DCC: variants seen among roughly 807,000 people sequenced by gnomAD.
DCC encodes netrin receptor DCC.
A neutral mutation model predicts 172.5 loss-of-function variants in DCC; 58 were observed. The observed-to-expected ratio is 0.34, with a 90% CI of 0.27 to 0.42. DCC has a LOEUF of 0.42. DCC is among the 10% of genes least tolerant of loss of function. The pLI is 1.00. For synonymous variants in DCC, 709 were observed against 644.5 expected (o/e 1.10, Z -1.52); for missense variants, 1,740 against 1,791.0 (o/e 0.97, Z 0.51).
At position 53,499,359 on chromosome 18, in the gene DCC, T is replaced by A. The variant is rs140262241; in HGVS notation, c.3960T>A (p.His1320Gln). The change falls in exon 27 of 29, where the codon CAT becomes CAA. Residue 1320 changes from histidine to glutamine, a missense_variant. Around this residue, in one of 2 missense-constraint regions of DCC, gnomAD observed 1,732 missense variants for 1,767.4 expected, o/e 0.98. Transcript: ENST00000442544. ...TGCTGCCCCCATCTCAGCCTGAGCATTCTAGCAGCGAGGAGGCACCAAGCA... is the reference window on the plus strand; with the variant it reads ...TGCTGCCCCCATCTCAGCCTGAGCAATCTAGCAGCGAGGAGGCACCAAGCA... Reference protein sequence around the residue: ...PPMLPPSQPEHSSSEEAPSRT... With the variant: ...PPMLPPSQPEQSSSEEAPSRT... 1.9e-6 allele frequency: 3 copies of A among 1,613,976 alleles called. No homozygotes were observed. The African/African-American group carries it at 4.0e-5, about 22-fold the overall frequency.
intron 2 of DCC, among the ~76,000 whole-genome samples, chr18:52,905,557 G>A (rs1271286108): frequency 1.3e-5 from 2 of 152,148 alleles, no homozygotes; most frequent in Non-Finnish European, 2.9e-5. Context: ...CTTTCTTGAA[G>A]CTGCTCTAGG....
At chr18:53,333,069 C>CAAA (rs11323974) in intron 14 of DCC, among the ~76,000 whole-genome samples, 5 of 120,584 alleles carry the variant, frequency 4.1e-5, no homozygotes, top group African/African-American at 9.8e-5. Flanking sequence ...GAACCTGTCT[C>CAAA]AAAAAAAAAA....
intron 1 of DCC, among the ~76,000 whole-genome samples, chr18:52,644,697 G>C (rs1160127808): frequency 6.6e-6 from 1 of 151,462 alleles, no homozygotes; most frequent in Non-Finnish European, 1.5e-5. Flanking sequence ...TGAGGCTGCA[G>C]TGAGCTATCA....
At chr18:52,543,827 T>A (rs192983376) in intron 1 of DCC, among the ~76,000 whole-genome samples, 1 of 152,294 alleles carries the variant, frequency 6.6e-6, no homozygotes, top group East Asian at 1.9e-4. Context: ...AGCATCCTGT[T>A]GAGGCACTTC....
intron 7 of DCC, among the ~76,000 whole-genome samples, chr18:53,071,077 G>A (rs2042645379): frequency 6.6e-6 from 1 of 152,134 alleles, no homozygotes; most frequent in African/African-American, 2.4e-5. Context: ...GGGGCTTGTG[G>A]CTGAGAGTTA....
At chr18:52,673,745 T>A (rs1458853054) in intron 1 of DCC, among the ~76,000 whole-genome samples, 3 of 152,208 alleles carry the variant, frequency 2.0e-5, no homozygotes, top group Non-Finnish European at 2.9e-5. Flanking sequence ...ATCGCTAATG[T>A]TCTTTCACTG....
chr18:52,780,752 G>A (rs775922162), intron 2 of DCC, among the ~76,000 whole-genome samples: 1 of 152,114 alleles, frequency 6.6e-6, no homozygotes, highest in South Asian at 2.1e-4. Context: ...CACCTGTCAC[G>A]TGAAGGTCTT....
chr18:53,481,747 T>C (rs570162809), intron 25 of DCC, among the ~76,000 whole-genome samples: 2 of 152,178 alleles, frequency 1.3e-5, no homozygotes, highest in African/African-American at 2.4e-5. Context: ...CTTAAAAAAA[T>C]CTTTACTTTT....
intron 1 of DCC, among the ~76,000 whole-genome samples, chr18:52,455,422 ATTC>A (rs911483826): frequency 6.6e-6 from 1 of 152,196 alleles, no homozygotes; most frequent in African/African-American, 2.4e-5. Context: ...ATGCTGAAGA[ATTC>A]TTCTTTCTTC....
At chr18:52,874,152 G>C (rs1226976119) in intron 2 of DCC, among the ~76,000 whole-genome samples, 1 of 152,088 alleles carries the variant, frequency 6.6e-6, no homozygotes, top group Non-Finnish European at 1.5e-5. Context: ...ACTTAAACTG[G>C]CTAAAATGTT....
intron 5 of DCC, among the ~76,000 whole-genome samples, chr18:53,020,800 G>C (rs2041869491): frequency 2.6e-5 from 4 of 152,266 alleles, no homozygotes; most frequent in Middle Eastern, 3.4e-3. Flanking sequence ...GAATTAGATA[G>C]AATTTAATAA....
intron 12 of DCC, among the ~76,000 whole-genome samples, chr18:53,264,005 A>C (rs2056636863): frequency 6.6e-6 from 1 of 152,160 alleles, no homozygotes. Context: ...GCATATTTTC[A>C]AAGAAGGGTT....
chr18:53,508,409 TCTCAAACTCCTGGG>T (rs1325267468), intron 27 of DCC, among the ~76,000 whole-genome samples: 1 of 150,548 alleles, frequency 6.6e-6, no homozygotes, highest in Non-Finnish European at 1.5e-5. Flanking sequence ...TCCAGGCTAG[TCTCAAACTCCTGGG>T]CTCAAGTGAT....
chr18:53,426,440 T>C (rs62098285), intron 21 of DCC, among the ~76,000 whole-genome samples: 1 of 143,940 alleles, frequency 6.9e-6, no homozygotes, highest in African/African-American at 2.5e-5. Flanking sequence ...TTTATATTAT[T>C]TATATATTTA....
intron 1 of DCC, among the ~76,000 whole-genome samples, chr18:52,423,321 G>T (rs1385053001): frequency 6.6e-6 from 1 of 152,142 alleles, no homozygotes; most frequent in Non-Finnish European, 1.5e-5. Flanking sequence ...CAAACTGGGG[G>T]ATCTGCAAAG....
At chr18:53,461,366 T>C (rs1038625802) in intron 24 of DCC, among the ~76,000 whole-genome samples, 3 of 151,880 alleles carry the variant, frequency 2.0e-5, no homozygotes, top group Non-Finnish European at 2.9e-5. Context: ...CATGCCTATG[T>C]CCTGAATGGT....
rs78186889 is a variant in DCC, at chr18:52,575,758, G to T, written c.92-176296G>T. 3.5e-3 allele frequency among the ~76,000 whole-genome samples: 537 copies of T among 152,206 alleles called. 8 individuals are homozygous for T. Among genetic ancestry groups the T allele is most frequent in the East Asian group, 0.033 (169 of 5,172 alleles). On this transcript the variant is annotated intron_variant, in intron 1 of 28. Transcript: ENST00000442544. ...TGCTCCATAAAATAGAAATTTCGTT[G>T]TAATTTATTCTTTTAGGTATAACTT...
Position 52,572,188 on chromosome 18 carries a change from C to A in DCC, c.92-179866C>A, listed in dbSNP as rs531367372. The stretch of plus-strand genomic sequence containing the variant: ...TTTCTAGGCTTTTGCAGACACCCAG[C>A]GCCTGCTGGCAATAAACAGAGGCAC... On this transcript the variant is annotated intron_variant, in intron 1 of 28. Coordinates refer to ENST00000442544, the MANE Select transcript of DCC (RefSeq NM_005215.4). 6.6e-5 allele frequency among the ~76,000 whole-genome samples: 10 copies of A among 152,190 alleles called. No individual in the cohort carries two copies. In the South Asian group the frequency reaches 1.9e-3, roughly 28 times the overall value.
chr18:53,192,820 C>G (rs1308746929), intron 9 of DCC, among the ~76,000 whole-genome samples: 1 of 152,142 alleles, frequency 6.6e-6, no homozygotes, highest in Non-Finnish European at 1.5e-5. Flanking sequence ...AATTCACTCA[C>G]CCACACGTCT....
Sources: gnomAD v4.1 joint callset for allele counts (sites outside exome capture counted in the v4.1 genomes callset) on GRCh38, gnomAD v4.1.1 for gene constraint, gnomAD v4.1.1 regional missense constraint, MANE v1.5 for transcripts, NCBI Gene and HGNC (gene_info 2026-07-23, HGNC 2026-07-21) for gene names.